Variants in SYNRG observed in about 807,000 individuals in gnomAD.
SYNRG encodes AP1 gamma subunit binding protein 1.
A neutral mutation model predicts 130.9 loss-of-function variants in SYNRG; 37 were observed. The ratio of observed to expected loss-of-function variants is 0.28; its 90% CI spans 0.22 to 0.37. The LOEUF is 0.37. Ranked by LOEUF, SYNRG falls within the 10% of genes least tolerant of loss-of-function variation. The pLI is 1.00. For missense variants in SYNRG, 1,338 were observed against 1,588.9 expected, an observed-to-expected ratio of 0.84 and a Z score of 2.68; for synonymous variants, 539 against 568.1, an observed-to-expected ratio of 0.95 and a Z score of 0.73.
intron 13 of SYNRG, among the ~76,000 whole-genome samples, chr17:37,560,560 A>C (rs2059448335): frequency 6.6e-6 from 1 of 151,904 alleles, no homozygotes; most frequent in Non-Finnish European, 1.5e-5. Context: ...GCTTGTCTGG[A>C]ACTCCTGACC....
At chr17:37,589,021 T>C (rs935358326) in intron 3 of SYNRG, among the ~76,000 whole-genome samples, 18 of 152,210 alleles carry the variant, frequency 1.2e-4, no homozygotes, top group African/African-American at 4.1e-4. Context: ...GGTTAAGAGA[T>C]ACTAGTCTTT....
chr17:37,571,642 T>A (rs953466403), intron 9 of SYNRG, 149 bp downstream of exon 9: 8 of 723,444 alleles, frequency 1.1e-5, no homozygotes, highest in Non-Finnish European at 1.7e-5. Context: ...ATGCACATCT[T>A]ATAAACTCTA....
intron 8 of SYNRG, among the ~76,000 whole-genome samples, chr17:37,574,702 A>T (rs1484081166): frequency 1.3e-5 from 2 of 152,186 alleles, no homozygotes; most frequent in Non-Finnish European, 2.9e-5. Context: ...CTACAATGAG[A>T]TATCATCTCA....
chr17:37,594,285 T>A (rs1356157511), intron 3 of SYNRG, among the ~76,000 whole-genome samples: 6 of 147,146 alleles, frequency 4.1e-5, no homozygotes, highest in Non-Finnish European at 9.0e-5. Context: ...TTAATTTTAA[T>A]TATATTAATT....
intron 1 of SYNRG, chr17:37,601,008 T>C (rs2063222841): frequency 6.5e-6 from 1 of 153,492 alleles, no homozygotes; most frequent in Non-Finnish European, 1.4e-5. Context: ...GTAGGTTAAA[T>C]GTTAACTATA....
intron 6 of SYNRG, among the ~76,000 whole-genome samples, chr17:37,579,801 C>T (rs991661076): frequency 2.6e-5 from 4 of 152,118 alleles, no homozygotes; most frequent in Admixed American, 6.6e-5. Context: ...GCCTGAAACT[C>T]GTGGGATCAA....
At chr17:37,579,036 A>G (rs2061076147) in intron 6 of SYNRG, 1 of 886,174 alleles carries the variant, frequency 1.1e-6, no homozygotes, top group Non-Finnish European at 1.4e-6. Flanking sequence ...GTGCATGTTT[A>G]TTTGCCAACA....
At chr17:37,597,662 T>C (rs1343584784) in intron 2 of SYNRG, among the ~76,000 whole-genome samples, 1 of 152,232 alleles carries the variant, frequency 6.6e-6, no homozygotes, top group African/African-American at 2.4e-5. Context: ...CACGAATGTA[T>C]GATTTAGGCT....
chr17:37,565,619 C>T (rs1208323158), intron 11 of SYNRG, among the ~76,000 whole-genome samples: 3 of 151,940 alleles, frequency 2.0e-5, no homozygotes, highest in African/African-American at 7.3e-5. Context: ...TCCCGGCTGC[C>T]ATCACATCTA....
rs1395285632 is a variant in SYNRG at position 37,516,191 on chromosome 17, C to T, written c.*2749G>A. The T allele has an allele frequency of 6.6e-6, 1 of 152,156 alleles. No individual in the cohort carries two copies. Among genetic ancestry groups the T allele is most frequent in the African/African-American group, 2.4e-5 (1 of 41,428 alleles). 9.4% of individuals were successfully genotyped at this position (152,156 alleles called of 1,614,324 possible). On this transcript the variant is annotated 3_prime_UTR_variant, in exon 22 of 22. Transcript: ENST00000612223. The stretch of plus-strand genomic sequence containing the variant: ...AATGCACAGTATGGAAATAAGTAAC[C>T]TTGGCTACAGTTTCCAAGGACACGG...
Position 37,547,531 on chromosome 17 carries a change from C to A in SYNRG, c.2609-4966G>T, listed in dbSNP as rs529498308. Among the ~76,000 whole-genome samples the A allele has an allele frequency of 9.3e-5, 14 of 151,018 alleles. No homozygotes were observed. In the South Asian group the frequency reaches 2.9e-3, roughly 32 times the overall value. On this transcript the variant is annotated intron_variant, in intron 14 of 21. Transcript: ENST00000612223. Reference sequence around the variant, plus strand: ...GGCTGCAGTGTGAGTGGCACAATCTCAGCTCACTGCAACCTCCACCTCACA... The same window carrying A: ...GGCTGCAGTGTGAGTGGCACAATCTAAGCTCACTGCAACCTCCACCTCACA...
At chr17:37,579,099 A>G in intron 6 of SYNRG, 1 of 1,117,760 alleles carries the variant, frequency 8.9e-7, no homozygotes, top group Non-Finnish European at 1.1e-6. Context: ...AGGATATCTT[A>G]AGAATATTTT....
chr17:37,518,172 T>C lies in SYNRG; in HGVS notation c.*768A>G, dbSNP rs1337416668. ...CCAAATCTTGTCTGAGAAAACTCCA[T>C]GGTCACAGTCTTTGCATGCGGCAGA... On this transcript the variant is annotated 3_prime_UTR_variant, in exon 22 of 22. Coordinates refer to ENST00000612223, the MANE Select transcript of SYNRG (RefSeq NM_007247.6). 6.6e-6 allele frequency: 1 copy of C among 152,248 alleles called. No homozygotes were observed. The highest frequency in any genetic ancestry group is 1.5e-5 in the Non-Finnish European group (1 of 68,048). The allele number at this position is 152,248 out of a possible 1,614,324, so 9.4% of individuals were successfully genotyped here.
At chr17:37,530,842 G>T (rs2056558427) in intron 19 of SYNRG, among the ~76,000 whole-genome samples, 1 of 152,208 alleles carries the variant, frequency 6.6e-6, no homozygotes, top group Non-Finnish European at 1.5e-5. Flanking sequence ...TAGTCAGGTG[G>T]ACTGTCAGGA....
intron 11 of SYNRG, among the ~76,000 whole-genome samples, chr17:37,562,367 C>T (rs1598358682): frequency 6.6e-6 from 1 of 152,184 alleles, no homozygotes; most frequent in East Asian, 1.9e-4. Flanking sequence ...AAGGCTTAAA[C>T]ACATACTATA....
chr17:37,608,282 T>C (rs151210002), intron 1 of SYNRG, among the ~76,000 whole-genome samples: 2 of 152,080 alleles, frequency 1.3e-5, no homozygotes, highest in East Asian at 1.9e-4. Flanking sequence ...GACTCCGAAA[T>C]TGAAACACTG....
intron 21 of SYNRG, 76 bp downstream of exon 21, chr17:37,520,103 G>T: frequency 6.6e-7 from 1 of 1,503,892 alleles, no homozygotes. Context: ...GATGGCAATG[G>T]ATAGAATCAT....
chr17:37,549,131 C>CA (rs902288633), intron 14 of SYNRG, among the ~76,000 whole-genome samples: 751 of 52,196 alleles, frequency 0.014, 5 homozygotes, highest in African/African-American at 0.033. Context: ...AACCTGGTCT[C>CA]AAAAAAAAAA....
At position 37,585,571 on chromosome 17, in the gene SYNRG, C is replaced by T. The variant is rs572412623; in HGVS notation, c.372-141G>A. 59 of 599,274 alleles carry T rather than the reference C, an allele frequency of 9.8e-5. No individual in the cohort carries two copies. The South Asian group carries it at 1.2e-3, about 12-fold the overall frequency. The allele number at this position is 599,274 out of a possible 1,614,324, so 37.1% of individuals were successfully genotyped here. A position where few individuals can be genotyped will look rare whatever the true frequency, so the allele number is the denominator to read the frequency against. On this transcript the variant is annotated intron_variant, in intron 4 of 21. Coordinates refer to ENST00000612223, the MANE Select transcript of SYNRG (RefSeq NM_007247.6). ...CATTGCTAAATATCTAGTTTTCTTACGACAATCCTGTTTCCTCACTATATT... is the reference window on the plus strand; with the variant it reads ...CATTGCTAAATATCTAGTTTTCTTATGACAATCCTGTTTCCTCACTATATT...
Sources: allele counts gnomAD v4.1 joint callset (sites outside exome capture counted in the v4.1 genomes callset), GRCh38; gene constraint gnomAD v4.1.1; transcripts MANE v1.5; gene names NCBI Gene and HGNC (gene_info 2026-07-23, HGNC 2026-07-21).